The following FBXO31 variants were observed in gnomAD, a reference collection of about 807,000 sequenced individuals.
The protein encoded by FBXO31 is F-box only protein 31.
Under a neutral mutation model 54.4 loss-of-function variants are expected in FBXO31, and 24 were observed. The observed-to-expected ratio is 0.44, with a 90% CI of 0.32 to 0.62. The LOEUF is 0.62. FBXO31 is among the 20% of genes least tolerant of loss of function. The probability of loss-of-function intolerance (pLI) is 0.05; values close to 1 mark genes in which losing one functional copy is unlikely to be tolerated. For missense variants in FBXO31, 665 were observed against 787.1 expected (o/e 0.84, Z 1.86); for synonymous variants, 388 against 335.6 (o/e 1.16, Z -1.71).
intron 1 of FBXO31, among the ~76,000 whole-genome samples, chr16:87,362,005 A>T (rs942210896): frequency 6.6e-6 from 1 of 152,202 alleles, no homozygotes; most frequent in African/African-American, 2.4e-5. Context: ...GAGTGCCCAG[A>T]GTGGGTCCCC....
chr16:87,364,530 A>G (rs368623181), intron 1 of FBXO31, among the ~76,000 whole-genome samples: 1 of 152,186 alleles, frequency 6.6e-6, no homozygotes, highest in African/African-American at 2.4e-5. Context: ...CAGGCCAAAT[A>G]CCGAGATCAA....
chr16:87,382,521 C>G (rs980586382), intron 1 of FBXO31, among the ~76,000 whole-genome samples: 2 of 152,184 alleles, frequency 1.3e-5, no homozygotes, highest in African/African-American at 4.8e-5. Context: ...TCTGTTACAT[C>G]CAATATTGCT....
intron 2 of FBXO31, among the ~76,000 whole-genome samples, chr16:87,355,201 A>C (rs1905839175): frequency 6.6e-6 from 1 of 152,164 alleles, no homozygotes; most frequent in Non-Finnish European, 1.5e-5. Flanking sequence ...TCTATCATAA[A>C]ATAAAATAAG....
chr16:87,333,341 A>G (rs1295175427), intron 8 of FBXO31, among the ~76,000 whole-genome samples: 1 of 152,240 alleles, frequency 6.6e-6, no homozygotes. Flanking sequence ...CCGGCACAGC[A>G]GAGGCAGGCA....
At chr16:87,382,262 G>A (rs1016390803) in intron 1 of FBXO31, among the ~76,000 whole-genome samples, 2 of 152,180 alleles carry the variant, frequency 1.3e-5, no homozygotes, top group African/African-American at 4.8e-5. Flanking sequence ...AATATATATT[G>A]CATTATATCC....
At chr16:87,361,625 C>CA (rs1906137003) in intron 1 of FBXO31, among the ~76,000 whole-genome samples, 1 of 152,222 alleles carries the variant, frequency 6.6e-6, no homozygotes, top group Non-Finnish European at 1.5e-5. Flanking sequence ...CAGGTAGCTC[C>CA]AAAGTGCTGC....
chr16:87,339,404 A>G (rs1160584186), intron 5 of FBXO31, among the ~76,000 whole-genome samples: 2 of 152,208 alleles, frequency 1.3e-5, no homozygotes, highest in Non-Finnish European at 2.9e-5. Context: ...ACACGTCGTG[A>G]GAGAAAAGCA....
chr16:87,355,346 T>G (rs1032806756), intron 2 of FBXO31, among the ~76,000 whole-genome samples: 1 of 152,200 alleles, frequency 6.6e-6, no homozygotes, highest in African/African-American at 2.4e-5. Context: ...TCCGAAAGGT[T>G]TGGATGCTGT....
chr16:87,345,110 C>A lies in FBXO31; in HGVS notation c.490-1345G>T, dbSNP rs1905327753. On this transcript the variant is annotated intron_variant, in intron 3 of 8. Coordinates refer to ENST00000311635, the MANE Select transcript of FBXO31 (RefSeq NM_024735.5). The surrounding 1 kb of genome is among the most constrained non-coding windows in gnomAD (Gnocchi z 4.9). Reference sequence around the variant, plus strand: ...AGGCCTGGAAGAACCTGTGCAGAGGCCACGGGGAGACAGACACACCCGCCC... The same window carrying A: ...AGGCCTGGAAGAACCTGTGCAGAGGACACGGGGAGACAGACACACCCGCCC... Among the ~76,000 whole-genome samples the A allele has an allele frequency of 1.3e-5, 2 of 152,208 alleles. No individual in the cohort carries two copies. Among genetic ancestry groups the A allele is most frequent in the African/African-American group, 2.4e-5 (1 of 41,436 alleles).
In FBXO31 at chr16:87,335,987, G is replaced by C. The variant is rs1020444775; in HGVS notation, c.842+168C>G. 6.6e-6 allele frequency among the ~76,000 whole-genome samples: 1 copy of C among 151,888 alleles called. No homozygotes were observed. The highest frequency in any genetic ancestry group is 1.5e-5 in the Non-Finnish European group (1 of 67,952). ...ACAGAAAGAGCGAACTATGCTCCAAGCACCCAGAGAGAGAGGGGCTGTACT... is the reference window on the plus strand; with the variant it reads ...ACAGAAAGAGCGAACTATGCTCCAACCACCCAGAGAGAGAGGGGCTGTACT... On this transcript the variant is annotated intron_variant, in intron 6 of 8. Coordinates refer to ENST00000311635, the MANE Select transcript of FBXO31 (RefSeq NM_024735.5). This position sits in a 1 kb window ranked among gnomAD's most constrained non-coding sequence, Gnocchi z 5.7.
chr16:87,343,873 C>G (rs1286265700), intron 3 of FBXO31, 108 bp from the exon 4 acceptor site: 2 of 1,238,934 alleles, frequency 1.6e-6, no homozygotes, highest in South Asian at 1.4e-5. Context: ...CCTGCCAGAC[C>G]AGCACATGGG....
intron 1 of FBXO31, among the ~76,000 whole-genome samples, chr16:87,360,901 A>G (rs1252049940): frequency 6.6e-6 from 1 of 152,174 alleles, no homozygotes; most frequent in Non-Finnish European, 1.5e-5. Flanking sequence ...GCCAGGGCCC[A>G]GTGCAGGGCC....
chr16:87,376,235 T>C (rs1906818101), intron 1 of FBXO31, among the ~76,000 whole-genome samples: 1 of 152,114 alleles, frequency 6.6e-6, no homozygotes, highest in African/African-American at 2.4e-5. Context: ...TTTTTGTTGC[T>C]TGCTCTCTGT....
intron 2 of FBXO31, among the ~76,000 whole-genome samples, chr16:87,356,707 T>C (rs1905906660): frequency 6.6e-6 from 1 of 152,166 alleles, no homozygotes; most frequent in Non-Finnish European, 1.5e-5. Context: ...TTAGGTGAAA[T>C]TACTCTTTCT....
chr16:87,332,550 A>G (rs1037008506), intron 8 of FBXO31, among the ~76,000 whole-genome samples: 3 of 152,168 alleles, frequency 2.0e-5, no homozygotes, highest in Non-Finnish European at 2.9e-5. Flanking sequence ...CTCCAACACT[A>G]TTTGTATGCC....
intron 1 of FBXO31, among the ~76,000 whole-genome samples, chr16:87,369,691 A>T (rs118187521): frequency 0.012 from 1,760 of 152,304 alleles, 9 homozygotes; most frequent in Non-Finnish European, 0.018. Flanking sequence ...TATACCCAGA[A>T]GGAGACTTTT....
At chr16:87,348,966 G>C (rs58823252) in intron 2 of FBXO31, among the ~76,000 whole-genome samples, 6,198 of 152,258 alleles carry the variant, frequency 0.041, 428 homozygotes, top group African/African-American at 0.14. Context: ...ACCAAGCCTC[G>C]GCAGCAGGAG....
chr16:87,371,276 A>C (rs1469745188), intron 1 of FBXO31, among the ~76,000 whole-genome samples: 1 of 152,196 alleles, frequency 6.6e-6, no homozygotes, highest in African/African-American at 2.4e-5. Context: ...AGGAGACTTG[A>C]GAAGACTGCC....
chr16:87,353,707 T>A (rs558188168), intron 2 of FBXO31, among the ~76,000 whole-genome samples: 24 of 151,882 alleles, frequency 1.6e-4, no homozygotes, highest in African/African-American at 5.8e-4. Context: ...CGCAAGACCC[T>A]TCGGCGGGAG....
Sources: gnomAD v4.1 joint callset for allele counts (sites outside exome capture counted in the v4.1 genomes callset) on GRCh38, gnomAD v4.1.1 for gene constraint, Gnocchi (gnomAD v3.1) non-coding constraint, MANE v1.5 for transcripts, NCBI Gene and HGNC (gene_info 2026-07-23, HGNC 2026-07-21) for gene names.